Variants in TAFA5 observed in about 807,000 individuals in gnomAD.
TAFA5 encodes the protein chemokine-like protein TAFA-5.
TAFA5 carries 6 observed loss-of-function variants against 15.3 expected under a neutral mutation model. That is an observed-to-expected ratio of 0.39 (90% CI 0.21 to 0.77). TAFA5 has a LOEUF of 0.77. Ranked by LOEUF, TAFA5 falls within the 30% of genes least tolerant of loss-of-function variation. TAFA5 has a pLI of 0.41. For synonymous variants in TAFA5, 103 were observed against 80.7 expected, an observed-to-expected ratio of 1.28 and a Z score of -1.48; for missense variants, 161 against 193.1, an observed-to-expected ratio of 0.83 and a Z score of 0.98.
intron 1 of TAFA5, among the ~76,000 whole-genome samples, chr22:48,496,911 C>A: frequency 6.6e-6 from 1 of 152,212 alleles, no homozygotes; most frequent in Non-Finnish European, 1.5e-5. Context: ...ACCACTAACA[C>A]AGTAACAGGC....
chr22:48,595,677 G>A (rs1331013308), intron 1 of TAFA5, among the ~76,000 whole-genome samples: 1 of 152,266 alleles, frequency 6.6e-6, no homozygotes, highest in Non-Finnish European at 1.5e-5. Flanking sequence ...TGCAGGGGAC[G>A]GGGTGCCTCT....
At chr22:48,592,937 GGGTCTTTGT>G (rs1323476068) in intron 1 of TAFA5, among the ~76,000 whole-genome samples, 1 of 152,168 alleles carries the variant, frequency 6.6e-6, no homozygotes, top group Non-Finnish European at 1.5e-5. Flanking sequence ...GGCTGGATCA[GGGTCTTTGT>G]GGTGGACCTG....
chr22:48,633,539 CCT>C (rs1447574341), intron 1 of TAFA5, among the ~76,000 whole-genome samples: 1 of 128,704 alleles, frequency 7.8e-6, no homozygotes, highest in Non-Finnish European at 1.7e-5. Context: ...TCTGTCTCTC[CCT>C]CTCTCTCTCT....
chr22:48,517,868 G>C (rs958381318), intron 1 of TAFA5, among the ~76,000 whole-genome samples: 6 of 152,246 alleles, frequency 3.9e-5, no homozygotes, highest in Non-Finnish European at 8.8e-5. Context: ...GTGGGGGTGA[G>C]GTTCTGGCAA....
chr22:48,674,084 C>T (rs865879123), intron 2 of TAFA5, among the ~76,000 whole-genome samples: 6 of 152,188 alleles, frequency 3.9e-5, no homozygotes, highest in South Asian at 2.1e-4. Context: ...GACTCCTCTT[C>T]GCCCATCTCA....
intron 2 of TAFA5, among the ~76,000 whole-genome samples, chr22:48,680,609 C>G (rs5771941): frequency 6.6e-6 from 1 of 152,178 alleles, no homozygotes; most frequent in African/African-American, 2.4e-5. Context: ...ACAGGGCAGC[C>G]TCCCAAAATT....
intron 3 of TAFA5, among the ~76,000 whole-genome samples, chr22:48,709,742 C>G (rs1449112057): frequency 6.6e-6 from 1 of 152,166 alleles, no homozygotes; most frequent in African/African-American, 2.4e-5. Flanking sequence ...CTCAGTTCAC[C>G]GGGGTGGGAA....
intron 1 of TAFA5, among the ~76,000 whole-genome samples, chr22:48,557,554 C>A (rs561161397): frequency 6.6e-6 from 1 of 152,212 alleles, no homozygotes; most frequent in African/African-American, 2.4e-5. Flanking sequence ...GAGGTGACCA[C>A]GGCGGCTCCT....
chr22:48,575,782 C>T (rs1301456178), intron 1 of TAFA5, among the ~76,000 whole-genome samples: 1 of 143,878 alleles, frequency 7.0e-6, no homozygotes, highest in Non-Finnish European at 1.5e-5. Flanking sequence ...TCGCCGCGGG[C>T]TCGGCCGGGC....
chr22:48,648,623 G>A (rs921271380), intron 2 of TAFA5, among the ~76,000 whole-genome samples: 4 of 152,156 alleles, frequency 2.6e-5, no homozygotes, highest in Non-Finnish European at 5.9e-5. Context: ...GGTGGATCAC[G>A]AGGTCAGGAG....
intron 1 of TAFA5, among the ~76,000 whole-genome samples, chr22:48,587,719 G>A (rs1012511615): frequency 3.3e-5 from 5 of 152,164 alleles, no homozygotes; most frequent in African/African-American, 1.2e-4. Context: ...CCACTTCCCC[G>A]GCCCTCACAC....
At chr22:48,594,091 C>G (rs1441945409) in intron 1 of TAFA5, among the ~76,000 whole-genome samples, 1 of 152,148 alleles carries the variant, frequency 6.6e-6, no homozygotes, top group African/African-American at 2.4e-5. Flanking sequence ...CCTCCCAGGC[C>G]CTGGTCATGC....
At chr22:48,526,293 G>T (rs1308917553) in intron 1 of TAFA5, among the ~76,000 whole-genome samples, 1 of 152,230 alleles carries the variant, frequency 6.6e-6, no homozygotes, top group Admixed American at 6.5e-5. Flanking sequence ...GAGGTCCCCT[G>T]CACCCTGGCC....
intron 1 of TAFA5, among the ~76,000 whole-genome samples, chr22:48,613,256 A>G (rs1207152687): frequency 6.6e-6 from 1 of 152,020 alleles, no homozygotes; most frequent in Non-Finnish European, 1.5e-5. Context: ...TTCACTGATG[A>G]TCTGAGGACC....
At chr22:48,580,890 T>C (rs972236012) in intron 1 of TAFA5, among the ~76,000 whole-genome samples, 7 of 152,208 alleles carry the variant, frequency 4.6e-5, no homozygotes, top group Non-Finnish European at 8.8e-5. Context: ...GTGCATTGTT[T>C]TTATGGCCCT....
chr22:48,538,151 C>T (rs960987423), intron 1 of TAFA5, among the ~76,000 whole-genome samples: 7 of 149,770 alleles, frequency 4.7e-5, no homozygotes, highest in South Asian at 2.1e-4. Flanking sequence ...AAGAAAAATA[C>T]GTGAAACCAC....
intron 2 of TAFA5, among the ~76,000 whole-genome samples, chr22:48,678,026 G>A (rs1928030685): frequency 1.3e-5 from 2 of 151,970 alleles, no homozygotes; most frequent in African/African-American, 2.4e-5. Context: ...CCAGGCCCCT[G>A]GGGCTCCCTA....
At chr22:48,584,806 A>G (rs796072387) in intron 1 of TAFA5, among the ~76,000 whole-genome samples, 10 of 150,744 alleles carry the variant, frequency 6.6e-5, no homozygotes, top group African/African-American at 2.2e-4. Flanking sequence ...ACCACACAAA[A>G]TACAGCACAC....
intron 1 of TAFA5, among the ~76,000 whole-genome samples, chr22:48,561,994 G>C (rs1265405789): frequency 6.6e-6 from 1 of 152,158 alleles, no homozygotes; most frequent in Non-Finnish European, 1.5e-5. Context: ...CTGCCTCAGG[G>C]TCCCTTTCTT....
Sources: gnomAD v4.1 joint callset for allele counts (sites outside exome capture counted in the v4.1 genomes callset) on GRCh38, gnomAD v4.1.1 for gene constraint, MANE v1.5 for transcripts, NCBI Gene and HGNC (gene_info 2026-07-23, HGNC 2026-07-21) for gene names.